The following SYNJ1 variants were observed in gnomAD, a reference collection of about 807,000 sequenced individuals.
SYNJ1 encodes synaptojanin 1.
A neutral mutation model predicts 168.2 loss-of-function variants in SYNJ1; 78 were observed. The ratio of observed to expected loss-of-function variants is 0.46; its 90% CI spans 0.39 to 0.56. The LOEUF (loss-of-function observed/expected upper bound fraction) is 0.56. Ranked by LOEUF, SYNJ1 falls within the 20% of genes least tolerant of loss-of-function variation. The pLI is 0.00. For missense variants in SYNJ1, 1,303 were observed against 1,597.6 expected, an observed-to-expected ratio of 0.82 and a Z score of 3.14; for synonymous variants, 539 against 548.6, an observed-to-expected ratio of 0.98 and a Z score of 0.24.
chr21:32,630,149 G>A lies in SYNJ1; in HGVS notation c.*1656C>T, dbSNP rs2039267579. 6.6e-6 allele frequency: 1 copy of A among 152,196 alleles called. No homozygotes were observed. Among genetic ancestry groups the A allele is most frequent in the African/African-American group, 2.4e-5 (1 of 41,452 alleles). 9.4% of individuals were successfully genotyped at this position (152,196 alleles called of 1,614,324 possible). On this transcript the variant is annotated 3_prime_UTR_variant, in exon 33 of 33. Transcript: ENST00000674351. ...ATATAAGGCCATAGTGCTTTTTTGG[G>A]AGCGCTAGAATATCCATCCACTTGA...
chr21:32,657,611 A>C, intron 19 of SYNJ1, 105 bp downstream of exon 19: 1 of 1,049,350 alleles, frequency 9.5e-7, no homozygotes, highest in Non-Finnish European at 1.3e-6. Context: ...TATTCCAGTT[A>C]ATGTTTCTTG....
intron 12 of SYNJ1, among the ~76,000 whole-genome samples, chr21:32,677,822 C>G (rs937714962): frequency 6.6e-6 from 1 of 152,134 alleles, no homozygotes; most frequent in Admixed American, 6.5e-5. Context: ...TTACTTGATG[C>G]AGAAACAATT....
chr21:32,725,640 CAA>C (rs935057211), intron 2 of SYNJ1, among the ~76,000 whole-genome samples: 1 of 152,058 alleles, frequency 6.6e-6, no homozygotes, highest in African/African-American at 2.4e-5. Context: ...ATTCTACATG[CAA>C]AGAGTGAGGT....
Position 32,727,059 on chromosome 21 carries a change from G to A in SYNJ1, c.-22-142C>T, listed in dbSNP as rs577042040. 7 of 1,148,394 alleles carry A rather than the reference G, an allele frequency of 6.1e-6. No individual in the cohort carries two copies. The African/African-American group carries it at 7.8e-5, about 13-fold the overall frequency. 71.1% of individuals were successfully genotyped at this position (1,148,394 alleles called of 1,614,324 possible). A position where few individuals can be genotyped will look rare whatever the true frequency, so the allele number is the denominator to read the frequency against. ...AAAACAGACAGCTCTGGGAGAAAATGGCTTTTTCCAAAAGATAAGTCGTCA... is the reference window on the plus strand; with the variant it reads ...AAAACAGACAGCTCTGGGAGAAAATAGCTTTTTCCAAAAGATAAGTCGTCA... On this transcript the variant is annotated intron_variant, in intron 1 of 32. Coordinates refer to ENST00000674351, the MANE Select transcript of SYNJ1 (RefSeq NM_203446.3).
intron 2 of SYNJ1, among the ~76,000 whole-genome samples, chr21:32,705,825 A>T (rs1163515003): frequency 6.6e-6 from 1 of 152,136 alleles, no homozygotes; most frequent in Non-Finnish European, 1.5e-5. Context: ...GTCTCTACAA[A>T]AAAATATAAA....
At chr21:32,725,317 C>A (rs543364944) in intron 2 of SYNJ1, among the ~76,000 whole-genome samples, 1 of 152,206 alleles carries the variant, frequency 6.6e-6, no homozygotes, top group African/African-American at 2.4e-5. Context: ...ATTCAGAATT[C>A]ATCAGTATAA....
At chr21:32,726,514 C>A (rs563689572) in intron 2 of SYNJ1, among the ~76,000 whole-genome samples, 1 of 152,300 alleles carries the variant, frequency 6.6e-6, no homozygotes, top group South Asian at 2.1e-4. Flanking sequence ...AAAACATTTA[C>A]TTTTAGAAGC....
In SYNJ1 at chr21:32,631,542, G is replaced by A. The variant is rs2145658387; in HGVS notation, c.*263C>T. On this transcript the variant is annotated 3_prime_UTR_variant, in exon 33 of 33. Coordinates refer to ENST00000674351, the MANE Select transcript of SYNJ1 (RefSeq NM_203446.3). ...CAAGCCAGTAATAAATGGGTTTGGAGAACTTCGCATATTTTCCTGGGATTG... is the reference window on the plus strand; with the variant it reads ...CAAGCCAGTAATAAATGGGTTTGGAAAACTTCGCATATTTTCCTGGGATTG... The A allele has an allele frequency of 1.2e-6, 2 of 1,614,148 alleles. No individual in the cohort carries two copies. The highest frequency in any genetic ancestry group is 1.7e-6 in the Non-Finnish European group (2 of 1,180,008).
rs555277717 is a variant in SYNJ1, at chr21:32,687,868, G to C, written c.851+438C>G. On this transcript the variant is annotated intron_variant, in intron 7 of 32. Coordinates refer to ENST00000674351, the MANE Select transcript of SYNJ1 (RefSeq NM_203446.3). The stretch of plus-strand genomic sequence containing the variant: ...TTCCACATGGCCGACTGTGGGACTT[G>C]AGTATGCACAGATTTTGGTATGTGA... 2.0e-5 allele frequency among the ~76,000 whole-genome samples: 3 copies of C among 152,224 alleles called. No individual in the cohort carries two copies. The South Asian group carries it at 6.2e-4, about 32-fold the overall frequency.
chr21:32,690,752 G>T (rs1223575803), intron 6 of SYNJ1, among the ~76,000 whole-genome samples: 1 of 152,074 alleles, frequency 6.6e-6, no homozygotes, highest in Admixed American at 6.5e-5. Flanking sequence ...GTGAAACCTT[G>T]TCTCTACTAA....
chr21:32,706,106 T>A (rs745719964), intron 2 of SYNJ1, among the ~76,000 whole-genome samples: 3 of 152,176 alleles, frequency 2.0e-5, no homozygotes, highest in Non-Finnish European at 4.4e-5. Context: ...CAGAGGTGAA[T>A]AACCTGAATC....
chr21:32,683,175 G>C (rs557131474), intron 10 of SYNJ1, among the ~76,000 whole-genome samples: 4 of 152,000 alleles, frequency 2.6e-5, no homozygotes, highest in Non-Finnish European at 4.4e-5. Flanking sequence ...TATAGTATTT[G>C]AGAACTATGT....
chr21:32,685,425 C>CAAAAA (rs57470866), intron 9 of SYNJ1, among the ~76,000 whole-genome samples: 44 of 67,208 alleles, frequency 6.5e-4, no homozygotes, highest in East Asian at 1.3e-3. Flanking sequence ...CCGTCTCTAC[C>CAAAAA]AAAAAAAAAA....
intron 4 of SYNJ1, 65 bp downstream of exon 4, chr21:32,699,773 T>G (rs1204336637): frequency 3.9e-6 from 6 of 1,542,212 alleles, no homozygotes; most frequent in Non-Finnish European, 5.2e-6. Context: ...AGGAGGTTTT[T>G]GATGACTGAA....
chr21:32,656,728 A>T lies in SYNJ1; in HGVS notation c.2754T>A (p.Leu918=), dbSNP rs1357624551. 6.2e-7 allele frequency: 1 copy of T among 1,613,980 alleles called. No homozygotes were observed. The highest frequency in any genetic ancestry group is 8.5e-7 in the Non-Finnish European group (1 of 1,180,020). The change falls in exon 21 of 33, where the codon CTT becomes CTA. Residue 918 remains leucine (L), a synonymous_variant. Coordinates refer to ENST00000674351, the MANE Select transcript of SYNJ1 (RefSeq NM_203446.3). ...CACCAAAACTTGCAAACTGCTGCAGAAGCTCATCAATCAAGGCATCATCAA... is the reference window on the plus strand; with the variant it reads ...CACCAAAACTTGCAAACTGCTGCAGTAGCTCATCAATCAAGGCATCATCAA... ...NFFDDALIDE[L]LQQFASFGEV...
chr21:32,681,789 T>C, intron 10 of SYNJ1, 141 bp from the exon 11 acceptor site: 2 of 656,390 alleles, frequency 3.0e-6, no homozygotes, highest in Non-Finnish European at 4.7e-6. Context: ...AACAGTTTAC[T>C]AGGCTGAGTT....
chr21:32,698,853 T>G (rs2042299870), intron 4 of SYNJ1, among the ~76,000 whole-genome samples: 1 of 152,218 alleles, frequency 6.6e-6, no homozygotes, highest in African/African-American at 2.4e-5. Context: ...AAGGGAATGT[T>G]GGCTTAGAAA....
intron 29 of SYNJ1, among the ~76,000 whole-genome samples, chr21:32,640,709 A>G (rs1337166931): frequency 6.6e-6 from 1 of 152,208 alleles, no homozygotes; most frequent in African/African-American, 2.4e-5. Flanking sequence ...CTACAGGTGC[A>G]TGCCACTGCC....
chr21:32,652,877 C>G (rs1186366323), intron 22 of SYNJ1, among the ~76,000 whole-genome samples: 2 of 152,168 alleles, frequency 1.3e-5, no homozygotes, highest in African/African-American at 4.8e-5. Context: ...GTAAGCCAAG[C>G]CAATGAAACA....
Sources: allele counts gnomAD v4.1 joint callset (sites outside exome capture counted in the v4.1 genomes callset), GRCh38; gene constraint gnomAD v4.1.1; transcripts MANE v1.5; gene names NCBI Gene and HGNC (gene_info 2026-07-23, HGNC 2026-07-21).